ASCC3: variants seen among roughly 807,000 people sequenced by gnomAD.
ASCC3 encodes ASC-1 complex subunit P200.
A neutral mutation model predicts 256.3 loss-of-function variants in ASCC3; 158 were observed. That is an observed-to-expected ratio of 0.62 (90% CI 0.54 to 0.70). The LOEUF is 0.70. ASCC3 is among the 30% of genes least tolerant of loss of function. ASCC3 has a pLI of 0.00. For missense variants in ASCC3, 2,259 were observed against 2,626.0 expected (o/e 0.86, Z 3.05); for synonymous variants, 948 against 883.4 (o/e 1.07, Z -1.30).
intron 13 of ASCC3, among the ~76,000 whole-genome samples, chr6:100,696,072 A>G (rs889003830): frequency 2.0e-5 from 3 of 152,204 alleles, no homozygotes; most frequent in African/African-American, 7.2e-5. Flanking sequence ...ATTTACCATA[A>G]TATAGTGATA....
At chr6:100,559,700 A>G (rs544896633) in intron 36 of ASCC3, among the ~76,000 whole-genome samples, 38 of 152,040 alleles carry the variant, frequency 2.5e-4, no homozygotes, top group Admixed American at 6.6e-4. Context: ...AAATACAAAC[A>G]CTATCTGGAC....
At chr6:100,535,466 GTT>G (rs34575315) in intron 37 of ASCC3, among the ~76,000 whole-genome samples, 122 of 98,654 alleles carry the variant, frequency 1.2e-3, no homozygotes, top group African/African-American at 4.6e-3. Flanking sequence ...TGGTTTTCGT[GTT>G]TTTTTTTTTT....
intron 4 of ASCC3, among the ~76,000 whole-genome samples, chr6:100,812,764 T>C (rs1410321374): frequency 6.6e-6 from 1 of 151,774 alleles, no homozygotes; most frequent in Non-Finnish European, 1.5e-5. Flanking sequence ...ACTCCGTCTC[T>C]CCAAAAAATA....
intron 36 of ASCC3, among the ~76,000 whole-genome samples, chr6:100,574,556 A>C (rs2114731491): frequency 6.6e-6 from 1 of 152,134 alleles, no homozygotes; most frequent in South Asian, 2.1e-4. Flanking sequence ...TTGCTATCTA[A>C]ACACATTTCT....
At chr6:100,839,267 T>C (rs868369207) in intron 4 of ASCC3, among the ~76,000 whole-genome samples, 7 of 152,138 alleles carry the variant, frequency 4.6e-5, no homozygotes, top group Admixed American at 2.0e-4. Flanking sequence ...CTTTGTTAGA[T>C]ACCTTTTATG....
chr6:100,640,576 T>TTTGAAGCATGTATTTTAAA (rs1337392385), intron 24 of ASCC3, among the ~76,000 whole-genome samples: 14 of 152,212 alleles, frequency 9.2e-5, no homozygotes, highest in African/African-American at 3.4e-4. Flanking sequence ...ATTAATGATG[T>TTTGAAGCATGTATTTTAAA]TTGAAGCATG....
chr6:100,561,091 G>A (rs1769920970), intron 36 of ASCC3, among the ~76,000 whole-genome samples: 2 of 150,714 alleles, frequency 1.3e-5, no homozygotes, highest in South Asian at 4.2e-4. Context: ...ATACATTGAT[G>A]TGGTGGATAT....
chr6:100,765,506 C>A, intron 10 of ASCC3, among the ~76,000 whole-genome samples: 1 of 152,284 alleles, frequency 6.6e-6, no homozygotes, highest in Non-Finnish European at 1.5e-5. Flanking sequence ...CTCAACCAAC[C>A]GCCAATCAGA....
At chr6:100,816,464 C>T (rs796652840) in intron 4 of ASCC3, among the ~76,000 whole-genome samples, 21 of 152,100 alleles carry the variant, frequency 1.4e-4, no homozygotes, top group African/African-American at 5.1e-4. Context: ...CACACATATG[C>T]TCACTGCAGC....
intron 24 of ASCC3, among the ~76,000 whole-genome samples, chr6:100,642,299 C>T (rs549659746): frequency 2.0e-5 from 3 of 151,656 alleles, no homozygotes; most frequent in Non-Finnish European, 4.4e-5. Context: ...GGTGTAGAAA[C>T]ACAAAAGATG....
At chr6:100,849,690 G>C (rs1772564287) in intron 3 of ASCC3, among the ~76,000 whole-genome samples, 1 of 152,044 alleles carries the variant, frequency 6.6e-6, no homozygotes, top group Admixed American at 6.5e-5. Context: ...TCTGACATGG[G>C]TTTCAAAGAA....
chr6:100,644,377 ACCTTTT>A (rs1775278679), intron 22 of ASCC3, among the ~76,000 whole-genome samples: 1 of 152,110 alleles, frequency 6.6e-6, no homozygotes, highest in African/African-American at 2.4e-5. Flanking sequence ...AGTAGTCACT[ACCTTTT>A]CCTTACAGAT....
intron 36 of ASCC3, among the ~76,000 whole-genome samples, chr6:100,579,956 G>T (rs1191199374): frequency 3.3e-5 from 5 of 152,154 alleles, no homozygotes; most frequent in African/African-American, 4.8e-5. Context: ...TCCTATTCAT[G>T]AATACGAAAG....
In ASCC3 at chr6:100,630,080, G is replaced by A. The variant is rs574380847; in HGVS notation, c.4209-899C>T. Among the ~76,000 whole-genome samples the A allele has an allele frequency of 2.6e-5, 4 of 151,894 alleles. No individual in the cohort carries two copies. In the South Asian group the frequency reaches 8.3e-4, roughly 32 times the overall value. On this transcript the variant is annotated intron_variant, in intron 26 of 41. Coordinates refer to ENST00000369162, the MANE Select transcript of ASCC3 (RefSeq NM_006828.4). ...TCCTTTTTTATTTTTAGTAGAGATG[G>A]GGTTTCACTATGTCGGCCAGGCTGG...
chr6:100,582,981 C>T (rs1366074008), intron 36 of ASCC3, among the ~76,000 whole-genome samples: 1 of 152,160 alleles, frequency 6.6e-6, no homozygotes, highest in Non-Finnish European at 1.5e-5. Flanking sequence ...CTGCTGGATT[C>T]AGTGTGCCAG....
intron 13 of ASCC3, among the ~76,000 whole-genome samples, chr6:100,692,353 G>C (rs1319171256): frequency 1.3e-5 from 2 of 151,824 alleles, no homozygotes; most frequent in African/African-American, 4.8e-5. Flanking sequence ...AAGATAATTT[G>C]CTGAAGAAAT....
chr6:100,548,153 T>C (rs1335355459), intron 36 of ASCC3, among the ~76,000 whole-genome samples: 1 of 151,728 alleles, frequency 6.6e-6, no homozygotes. Flanking sequence ...AGGGGAGTGG[T>C]CATGGTGGGA....
chr6:100,740,739 CT>C (rs1582791381), intron 10 of ASCC3, among the ~76,000 whole-genome samples: 1 of 152,148 alleles, frequency 6.6e-6, no homozygotes, highest in Non-Finnish European at 1.5e-5. Context: ...GCAACCCCTG[CT>C]TTTTTCTGTG....
chr6:100,821,365 G>A (rs763320795), intron 4 of ASCC3, among the ~76,000 whole-genome samples: 1 of 151,698 alleles, frequency 6.6e-6, no homozygotes, highest in African/African-American at 2.4e-5. Flanking sequence ...TTCCCTCTAG[G>A]TATACACCTA....
Sources: allele counts gnomAD v4.1 joint callset (sites outside exome capture counted in the v4.1 genomes callset), GRCh38; gene constraint gnomAD v4.1.1; transcripts MANE v1.5; gene names NCBI Gene and HGNC (gene_info 2026-07-23, HGNC 2026-07-21).